SPATA6L: variants seen among roughly 807,000 people sequenced by gnomAD.
SPATA6L encodes spermatogenesis associated 6 like.
In SPATA6L, 68 loss-of-function variants were observed where a neutral mutation model predicts 49.2. The ratio of observed to expected loss-of-function variants is 1.38; its 90% confidence interval spans 1.14 to 1.69. SPATA6L has a LOEUF of 1.69. SPATA6L is among the 40% of genes most tolerant of loss of function. SPATA6L has a pLI of 0.00. For missense variants in SPATA6L, 668 were observed against 464.3 expected (o/e 1.44, Z -4.03); for synonymous variants, 198 against 165.7 (o/e 1.19, Z -1.50).
chr9:4,615,264 C>T (rs1025551615), intron 9 of SPATA6L, among the ~76,000 whole-genome samples: 2 of 152,156 alleles, frequency 1.3e-5, no homozygotes, highest in Non-Finnish European at 2.9e-5. Flanking sequence ...TTGCATACTT[C>T]TTTTTTATTA....
Position 4,625,544 on chromosome 9 carries a change from C to G in SPATA6L, c.452G>C (p.Arg151Thr), listed in dbSNP as rs780494186. 20 of 1,555,362 alleles carry G rather than the reference C, an allele frequency of 1.3e-5. No homozygotes were observed. The East Asian group carries it at 1.4e-4, about 11-fold the overall frequency. ...TGGTTCATGTGATGTAGATAAAGGCCTCCGTGACTCATGTCTTTCTTCCTG... is the reference window on the plus strand; with the variant it reads ...TGGTTCATGTGATGTAGATAAAGGCGTCCGTGACTCATGTCTTTCTTCCTG... The part of the protein sequence containing the change: ...RFLEERHESR[R>T]PLSTSHEPIF... The change falls in exon 6 of 12, where the codon AGG (arginine) becomes ACG (threonine). Residue 151 changes from arginine (R) to threonine (T), a missense_variant. By Grantham distance (71) the Arg-to-Thr change is moderately conservative. Coordinates refer to ENST00000682582, the MANE Select transcript of SPATA6L (RefSeq NM_001353486.2).
intron 1 of SPATA6L, among the ~76,000 whole-genome samples, chr9:4,665,628 G>T (rs1475580855): frequency 1.3e-5 from 2 of 152,198 alleles, no homozygotes; most frequent in African/African-American, 2.4e-5. Flanking sequence ...AATGGAAACT[G>T]AAATAAGAGG....
chr9:4,638,830 G>A (rs1330663707), intron 3 of SPATA6L, among the ~76,000 whole-genome samples: 1 of 150,612 alleles, frequency 6.6e-6, no homozygotes, highest in East Asian at 2.0e-4. Context: ...TGTCACCCAG[G>A]CTGGAGTGCA....
chr9:4,655,755 T>C (rs1352052725), intron 3 of SPATA6L, among the ~76,000 whole-genome samples: 2 of 152,160 alleles, frequency 1.3e-5, no homozygotes, highest in African/African-American at 4.8e-5. Context: ...TTCACCATGC[T>C]GACCAGGCTG....
chr9:4,595,469 T>C (rs1822186105), downstream of SPATA6L, among the ~76,000 whole-genome samples: 1 of 152,216 alleles, frequency 6.6e-6, no homozygotes, highest in Non-Finnish European at 1.5e-5. Flanking sequence ...ATACTTTGCT[T>C]TCTGGCTCCA....
intron 3 of SPATA6L, among the ~76,000 whole-genome samples, chr9:4,642,087 T>A (rs1209110612): frequency 6.6e-6 from 1 of 152,226 alleles, no homozygotes; most frequent in Non-Finnish European, 1.5e-5. Flanking sequence ...TTGTTAATGG[T>A]AATTATCTGT....
In SPATA6L at chr9:4,618,082, A is replaced by G. The variant is rs1828425153; in HGVS notation, c.836T>C (p.Val279Ala). The change falls in exon 9 of 12, where the codon GTT (valine) becomes GCT (alanine). Residue 279 changes from valine to alanine, a missense_variant. By Grantham distance (64) the Val-to-Ala change is moderately conservative. Transcript: ENST00000682582. Reference sequence around the variant, plus strand: ...ACATGATGATGAGTCACTCCTTAAAACAATCCGTTCATCTGGCTCTTTGAT... The same window carrying G: ...ACATGATGATGAGTCACTCCTTAAAGCAATCCGTTCATCTGGCTCTTTGAT... ...KVIKEPDERI[V>A]LRSDSSSCLD... The G allele has an allele frequency of 1.2e-6, 2 of 1,612,270 alleles. No homozygotes were observed. Among genetic ancestry groups the G allele is most frequent in the Middle Eastern group, 1.6e-4 (1 of 6,080 alleles).
At chr9:4,606,084 A>G (rs143695013) in intron 9 of SPATA6L, among the ~76,000 whole-genome samples, 2,153 of 152,152 alleles carry the variant, frequency 0.014, 31 homozygotes, top group East Asian at 0.063. Context: ...ACTCCCACCC[A>G]AATACTGCGC....
intron 6 of SPATA6L, among the ~76,000 whole-genome samples, chr9:4,624,014 A>C (rs1347442900): frequency 6.6e-6 from 1 of 152,132 alleles, no homozygotes; most frequent in Non-Finnish European, 1.5e-5. Flanking sequence ...CTACAAACCA[A>C]CTCTACATAC....
At chr9:4,620,029 G>A (rs951586655) in intron 7 of SPATA6L, among the ~76,000 whole-genome samples, 3 of 152,066 alleles carry the variant, frequency 2.0e-5, no homozygotes, top group Non-Finnish European at 2.9e-5. Flanking sequence ...CCACGTCACC[G>A]GTAGATATAA....
intron 9 of SPATA6L, among the ~76,000 whole-genome samples, chr9:4,611,257 A>G (rs1826641180): frequency 6.9e-6 from 1 of 145,408 alleles, no homozygotes; most frequent in Admixed American, 6.7e-5. Flanking sequence ...TCAGGGATCT[A>G]GAACTAGAAA....
At chr9:4,590,251 A>C (rs1821820394) in intron 13 of SPATA6L, among the ~76,000 whole-genome samples, 1 of 152,072 alleles carries the variant, frequency 6.6e-6, no homozygotes. Context: ...CTGTATATGG[A>C]ATTGGGTGAG....
Position 4,617,993 on chromosome 9 carries a change from T to G in SPATA6L, c.925A>C (p.Lys309Gln), listed in dbSNP as rs767087740. The G allele has an allele frequency of 3.2e-5, 52 of 1,614,122 alleles. 3 individuals are homozygous for G. The South Asian group carries it at 5.6e-4, about 17-fold the overall frequency. ...SKQGDADFHG[K>Q]ASFATYQHST... ...TGCTGGTAGGTGGCAAATGAAGCTT[T>G]CCCGTGGAAATCAGCATCCCCTTGT... is the stretch of plus-strand genomic sequence containing the variant. Residue 309 changes from lysine to glutamine, a missense_variant, in exon 9 of 12, where the codon AAA becomes CAA. Physicochemically the swap from Lys to Gln is moderately conservative, Grantham distance 53. Transcript: ENST00000682582.
intron 9 of SPATA6L, among the ~76,000 whole-genome samples, chr9:4,610,575 G>T (rs1480949156): frequency 6.7e-6 from 1 of 149,472 alleles, no homozygotes; most frequent in Non-Finnish European, 1.5e-5. Flanking sequence ...AAATGGTGCT[G>T]GGAAAACTGG....
intron 3 of SPATA6L, among the ~76,000 whole-genome samples, chr9:4,651,572 T>C (rs1241192952): frequency 6.6e-6 from 1 of 152,172 alleles, no homozygotes; most frequent in East Asian, 1.9e-4. Context: ...TCTCTTATGA[T>C]TGTAAATCCC....
At chr9:4,644,559 T>C (rs1242652394) in intron 3 of SPATA6L, among the ~76,000 whole-genome samples, 1 of 152,122 alleles carries the variant, frequency 6.6e-6, no homozygotes, top group Non-Finnish European at 1.5e-5. Flanking sequence ...GAATGCTTTT[T>C]ACAAGTAAAA....
At position 4,618,128 on chromosome 9, in the gene SPATA6L, T is replaced by A. The variant is rs1828439625; in HGVS notation, c.808-18A>T. On this transcript the variant is annotated intron_variant, in intron 8 of 11. Transcript: ENST00000682582. ...TTGATAACCTGAGTGACAATATGCA[T>A]TATTTAGTTGTAATTTTGCTTCTGT... 6.3e-7 allele frequency: 1 copy of A among 1,579,416 alleles called. No homozygotes were observed. Among genetic ancestry groups the A allele is most frequent in the South Asian group, 1.2e-5 (1 of 86,314 alleles).
At chr9:4,607,308 T>C (rs1374931939) in intron 9 of SPATA6L, among the ~76,000 whole-genome samples, 1 of 151,820 alleles carries the variant, frequency 6.6e-6, no homozygotes, top group Non-Finnish European at 1.5e-5. Context: ...ACAAAGATAC[T>C]CCTCGAGAAG....
intron 3 of SPATA6L, among the ~76,000 whole-genome samples, chr9:4,648,649 G>A (rs142988768): frequency 0.19 from 29,072 of 150,204 alleles, 4,642 homozygotes; most frequent in African/African-American, 0.44. Flanking sequence ...GCAGTGAGCC[G>A]AGATTGCGCC....
Sources: gnomAD v4.1 joint callset for allele counts (sites outside exome capture counted in the v4.1 genomes callset) on GRCh38, gnomAD v4.1.1 for gene constraint, MANE v1.5 for transcripts, NCBI Gene and HGNC (gene_info 2026-07-23, HGNC 2026-07-21) for gene names.